KIRREL1: variants seen among roughly 807,000 people sequenced by gnomAD.
KIRREL1 encodes kin of IRRE-like protein 1.
A neutral mutation model predicts 83.3 loss-of-function variants in KIRREL1; 25 were observed. The observed-to-expected ratio is 0.30, with a 90% confidence interval of 0.22 to 0.42. The LOEUF (loss-of-function observed/expected upper bound fraction) is 0.42, where lower values mean the gene tolerates loss of function less well. Ranked by LOEUF, KIRREL1 falls within the 10% of genes least tolerant of loss-of-function variation. The pLI is 1.00. For missense variants in KIRREL1, 812 were observed against 1,032.3 expected, an observed-to-expected ratio of 0.79 and a Z score of 2.92; for synonymous variants, 388 against 410.4, an observed-to-expected ratio of 0.95 and a Z score of 0.66.
intron 1 of KIRREL1, among the ~76,000 whole-genome samples, chr1:158,024,671 G>A (rs1358032142): frequency 6.6e-6 from 1 of 152,158 alleles, no homozygotes; most frequent in African/African-American, 2.4e-5. Flanking sequence ...GGATCCAACT[G>A]TAGAATGCCA....
intron 1 of KIRREL1, among the ~76,000 whole-genome samples, chr1:158,064,482 G>T (rs374662843): frequency 7.2e-5 from 11 of 152,314 alleles, no homozygotes; most frequent in African/African-American, 2.4e-4. Flanking sequence ...TTTATGGTGT[G>T]TAAATAGAAT....
chr1:158,016,652 C>T (rs1272699453), intron 1 of KIRREL1, among the ~76,000 whole-genome samples: 1 of 152,174 alleles, frequency 6.6e-6, no homozygotes, highest in Non-Finnish European at 1.5e-5. Context: ...TTCTAATTCC[C>T]TGCTCACACC....
At chr1:158,062,242 G>C (rs1002308550) in intron 1 of KIRREL1, among the ~76,000 whole-genome samples, 2 of 152,146 alleles carry the variant, frequency 1.3e-5, no homozygotes, top group African/African-American at 2.4e-5. Context: ...AAGAACAAGG[G>C]CTCCAGCGTC....
chr1:158,093,871 T>C, intron 13 of KIRREL1, 109 bp downstream of exon 13: 7 of 1,179,246 alleles, frequency 5.9e-6, no homozygotes, highest in Non-Finnish European at 8.5e-6. Flanking sequence ...CAGTCGGTCT[T>C]CCCTGGTCCT....
Position 158,035,719 on chromosome 1 carries a change from C to T in KIRREL1, c.53-40394C>T, listed in dbSNP as rs73020627. Among the ~76,000 whole-genome samples, 859 of 152,198 alleles carry T rather than the reference C, an allele frequency of 5.6e-3. 2 individuals carry two copies. Among genetic ancestry groups the T allele is most frequent in the African/African-American group, 0.012 (514 of 41,522 alleles). Reference sequence around the variant, plus strand: ...TTTTTTTTACCAGTCCATGATCTGTCGGGGCTTTAAAGAACCACTTTGATG... The same window carrying T: ...TTTTTTTTACCAGTCCATGATCTGTTGGGGCTTTAAAGAACCACTTTGATG... On this transcript the variant is annotated intron_variant, in intron 1 of 14. Transcript: ENST00000359209.
Position 158,097,346 on chromosome 1 carries a change from T to G in KIRREL1, c.*2226T>G, listed in dbSNP as rs1200413363. ...ATATTCCAAAAAGAATTCATTTTTG[T>G]TTTGGGTTTGGCTAGATTCTCTTAT... On this transcript the variant is annotated 3_prime_UTR_variant, in exon 15 of 15. Coordinates refer to ENST00000359209, the MANE Select transcript of KIRREL1 (RefSeq NM_018240.7). The G allele has an allele frequency of 3.3e-6, 1 of 304,576 alleles. No homozygotes were observed. The highest frequency in any genetic ancestry group is 6.3e-6 in the Non-Finnish European group (1 of 158,384). The allele number at this position is 304,576 out of a possible 1,614,324, so 18.9% of individuals were successfully genotyped here.
At chr1:157,996,068 A>C (rs2101613350) in intron 1 of KIRREL1, among the ~76,000 whole-genome samples, 3 of 126,806 alleles carry the variant, frequency 2.4e-5, no homozygotes, top group East Asian at 2.8e-4. Flanking sequence ...GGGAGGAGGA[A>C]TGATGGTGGG....
chr1:158,056,590 C>CA (rs1239255652), intron 1 of KIRREL1, among the ~76,000 whole-genome samples: 1 of 152,220 alleles, frequency 6.6e-6, no homozygotes, highest in Non-Finnish European at 1.5e-5. Flanking sequence ...CACCCTCAAC[C>CA]ACCTCTCCCT....
rs1429640253 is a variant in KIRREL1 at position 158,088,388 on chromosome 1, C to A, written c.978C>A (p.Thr326=). The change falls in exon 8 of 15, where the codon ACC becomes ACA. Residue 326 remains threonine, a synonymous_variant. Coordinates refer to ENST00000359209, the MANE Select transcript of KIRREL1 (RefSeq NM_018240.7). ...PTTTDIGSDV[T]LTCVWVGNPP... The stretch of plus-strand genomic sequence containing the variant: ...CCACAGACATTGGCTCTGATGTGAC[C>A]CTTACCTGTGTCTGGGTTGGGAATC... 6.2e-7 allele frequency: 1 copy of A among 1,613,856 alleles called. No individual in the cohort carries two copies. Among genetic ancestry groups the A allele is most frequent in the Non-Finnish European group, 8.5e-7 (1 of 1,179,984 alleles).
At position 157,993,668 on chromosome 1, in the gene KIRREL1, G is replaced by A. The variant is rs1659105059; in HGVS notation, c.-9G>A. 2 of 1,479,180 alleles carry A rather than the reference G, an allele frequency of 1.4e-6. No individual in the cohort carries two copies. Among genetic ancestry groups the A allele is most frequent in the Non-Finnish European group, 1.8e-6 (2 of 1,112,718 alleles). 91.6% of individuals were successfully genotyped at this position (1,479,180 alleles called of 1,614,324 possible). On this transcript the variant is annotated 5_prime_UTR_variant, in exon 1 of 15. Coordinates refer to ENST00000359209, the MANE Select transcript of KIRREL1 (RefSeq NM_018240.7). Reference sequence around the variant, plus strand: ...CCAGCCGCGGGCGGGCGCACGGCGGGCGGACAGCATGCTGAGCCTCCTCGT... The same window carrying A: ...CCAGCCGCGGGCGGGCGCACGGCGGACGGACAGCATGCTGAGCCTCCTCGT...
chr1:158,066,070 G>A (rs888457984), intron 1 of KIRREL1, among the ~76,000 whole-genome samples: 1 of 147,562 alleles, frequency 6.8e-6, no homozygotes, highest in African/African-American at 2.5e-5. Flanking sequence ...GCCTCTTCTT[G>A]CCCCACCATC....
chr1:158,027,569 G>A (rs1660207687), intron 1 of KIRREL1, among the ~76,000 whole-genome samples: 1 of 152,224 alleles, frequency 6.6e-6, no homozygotes, highest in Non-Finnish European at 1.5e-5. Flanking sequence ...CCAAGGGGCT[G>A]CCAGCCACCA....
rs367664530 is a variant in KIRREL1 at position 158,082,825 on chromosome 1, G to T, written c.353-1597G>T. On this transcript the variant is annotated intron_variant, in intron 3 of 14. Transcript: ENST00000359209. ...TCTACAAAAAATAGAAATTAGCCAA[G>T]CATGATGGTGTGTACCTGTAGTTTC... Among the ~76,000 whole-genome samples, 19 of 152,318 alleles carry T rather than the reference G, an allele frequency of 1.2e-4. No individual in the cohort carries two copies. In the South Asian group the frequency reaches 3.9e-3, roughly 32 times the overall value.
chr1:158,070,424 C>T (rs1351106897), intron 1 of KIRREL1, among the ~76,000 whole-genome samples: 2 of 152,194 alleles, frequency 1.3e-5, no homozygotes, highest in African/African-American at 2.4e-5. Flanking sequence ...GCATCTGCCT[C>T]GGTGCCTGGC....
intron 1 of KIRREL1, among the ~76,000 whole-genome samples, chr1:158,061,587 C>T (rs1661216953): frequency 6.6e-6 from 1 of 152,174 alleles, no homozygotes; most frequent in Non-Finnish European, 1.5e-5. Flanking sequence ...TAGTGGACAC[C>T]TTCATCAGTC....
At chr1:158,086,562 C>CT in intron 4 of KIRREL1, 34 bp from the exon 5 acceptor site, 1 of 1,548,076 alleles carries the variant, frequency 6.5e-7, no homozygotes, top group Non-Finnish European at 8.7e-7. Flanking sequence ...GGGCTTTTAG[C>CT]TTAACCATAT....
At chr1:158,067,806 A>T (rs942435052) in intron 1 of KIRREL1, among the ~76,000 whole-genome samples, 9 of 152,152 alleles carry the variant, frequency 5.9e-5, no homozygotes, top group African/African-American at 2.2e-4. Flanking sequence ...ACAGGCCCAG[A>T]ACAGTAAGCC....
At chr1:158,038,698 A>G (rs1376201892) in intron 1 of KIRREL1, among the ~76,000 whole-genome samples, 6 of 152,098 alleles carry the variant, frequency 3.9e-5, no homozygotes, top group African/African-American at 1.4e-4. Flanking sequence ...GGGAGATCTC[A>G]CAAACTGACG....
chr1:158,086,642 T>A lies in KIRREL1; in HGVS notation c.557T>A (p.Leu186His). 1 of 1,551,924 alleles carries A rather than the reference T, an allele frequency of 6.4e-7. No individual in the cohort carries two copies. Among genetic ancestry groups the A allele is most frequent in the Non-Finnish European group, 8.7e-7 (1 of 1,147,042 alleles). ...GKRETTVSQL[L>H]INPTDLDIGR... ...AGGGAGACCACCGTGAGCCAACTGC[T>A]TATTAACCCCACGGACCTGGACATA... Residue 186 changes from leucine to histidine, a missense_variant, in exon 5 of 15, where the codon CTT becomes CAT. Coordinates refer to ENST00000359209, the MANE Select transcript of KIRREL1 (RefSeq NM_018240.7).
Sources: gnomAD v4.1 joint callset for allele counts (sites outside exome capture counted in the v4.1 genomes callset) on GRCh38, gnomAD v4.1.1 for gene constraint, MANE v1.5 for transcripts, NCBI Gene and HGNC (gene_info 2026-07-23, HGNC 2026-07-21) for gene names.